Variants in SNX4 observed in about 807,000 individuals in gnomAD.
SNX4 encodes sorting nexin 4.
A neutral mutation model predicts 70.8 loss-of-function variants in SNX4; 49 were observed. That is an observed-to-expected ratio of 0.69 (90% confidence interval 0.55 to 0.88). SNX4 has a LOEUF of 0.88. Among genes scored for constraint, SNX4 ranks in the 40% least tolerant of loss-of-function variants. SNX4 has a pLI of 0.00. For synonymous variants in SNX4, 206 were observed against 183.8 expected (o/e 1.12, Z -0.98); for missense variants, 528 against 544.8 (o/e 0.97, Z 0.31).
At chr3:125,474,074 C>T (rs1160595608) in intron 8 of SNX4, among the ~76,000 whole-genome samples, 1 of 152,168 alleles carries the variant, frequency 6.6e-6, no homozygotes. Flanking sequence ...CATTCTCTAT[C>T]ACAAATCCTT....
chr3:125,458,599 G>C (rs565132804), intron 10 of SNX4, among the ~76,000 whole-genome samples: 1 of 147,134 alleles, frequency 6.8e-6, no homozygotes, highest in Admixed American at 6.7e-5. Flanking sequence ...GGTGGATCAC[G>C]AGGTCAGGAG....
intron 7 of SNX4, among the ~76,000 whole-genome samples, chr3:125,478,418 CT>C (rs72363640): frequency 2.5e-4 from 37 of 145,432 alleles, no homozygotes; most frequent in Admixed American, 1.4e-4. Flanking sequence ...TTTTTCTTTT[CT>C]TTTTTTTTTT....
chr3:125,458,609 G>T (rs1011935502), intron 10 of SNX4, among the ~76,000 whole-genome samples: 17 of 151,562 alleles, frequency 1.1e-4, no homozygotes, highest in African/African-American at 3.6e-4. Flanking sequence ...GAGGTCAGGA[G>T]ATTGAGACCA....
intron 1 of SNX4, among the ~76,000 whole-genome samples, chr3:125,514,414 C>G (rs1313238032): frequency 3.0e-5 from 4 of 135,316 alleles, no homozygotes; most frequent in Non-Finnish European, 6.2e-5. Flanking sequence ...TTTTTTGAGA[C>G]CGAGTCTCGC....
At chr3:125,490,310 G>A (rs138349512) in intron 5 of SNX4, among the ~76,000 whole-genome samples, 6,247 of 151,882 alleles carry the variant, frequency 0.041, 225 homozygotes, top group East Asian at 0.12. Context: ...CGAGGCAGGC[G>A]GAGCACGAGG....
chr3:125,452,110 A>ATT (rs111634536), intron 12 of SNX4, among the ~76,000 whole-genome samples: 17 of 141,102 alleles, frequency 1.2e-4, no homozygotes, highest in East Asian at 2.2e-4. Flanking sequence ...CACGTTTAGC[A>ATT]TTTTTTTTTT....
At chr3:125,508,094 T>A (rs966947213) in intron 1 of SNX4, among the ~76,000 whole-genome samples, 1 of 152,216 alleles carries the variant, frequency 6.6e-6, no homozygotes. Flanking sequence ...CCCATGTTCA[T>A]GATTTGGAAG....
At position 125,498,110 on chromosome 3, in the gene SNX4, G is replaced by A. The variant is rs1559822340; in HGVS notation, c.348C>T (p.Tyr116=). ...RYSEFELLRS[Y]LLVYYPHIVV... is the part of the protein sequence containing the mutation. Reference sequence around the variant, plus strand: ...CAATATGTGGATAGTAAACTAAAAGGTAGCTTCTCAACAACTCAAATTCAC... The same window carrying A: ...CAATATGTGGATAGTAAACTAAAAGATAGCTTCTCAACAACTCAAATTCAC... The change falls in exon 3 of 14, where the codon TAC becomes TAT. Residue 116 remains tyrosine, a synonymous_variant. Transcript: ENST00000251775. 2 of 1,614,112 alleles carry A rather than the reference G, an allele frequency of 1.2e-6. No homozygotes were observed. The highest frequency in any genetic ancestry group is 1.7e-6 in the Non-Finnish European group (2 of 1,179,998).
Position 125,498,180 on chromosome 3 carries a change from G to T in SNX4, c.278C>A (p.Thr93Asn), listed in dbSNP as rs1285704605. 1.2e-6 allele frequency: 2 copies of T among 1,613,488 alleles called. No individual in the cohort carries two copies. Among genetic ancestry groups the T allele is most frequent in the Non-Finnish European group, 1.7e-6 (2 of 1,179,866 alleles). ...GTCTGTTAGGACACTCTGACCATCG[G>T]TATGTTCAACTGACCTGAAAAGGAA... ...YLIETRSVEHTDGQSVLTDSL... is the reference protein window; with the variant it reads ...YLIETRSVEHNDGQSVLTDSL... Residue 93 changes from threonine to asparagine, a missense_variant, in exon 3 of 14, where the codon ACC (threonine) becomes AAC (asparagine). By Grantham distance (65) the Thr-to-Asn change is moderately conservative. Coordinates refer to ENST00000251775, the MANE Select transcript of SNX4 (RefSeq NM_003794.4).
At chr3:125,454,510 C>G (rs1328622745) in intron 11 of SNX4, among the ~76,000 whole-genome samples, 1 of 152,182 alleles carries the variant, frequency 6.6e-6, no homozygotes, top group African/African-American at 2.4e-5. Context: ...AAACAGGTCC[C>G]TAGTGCCAAA....
intron 5 of SNX4, among the ~76,000 whole-genome samples, chr3:125,495,428 T>C (rs1016353004): frequency 6.6e-6 from 1 of 151,406 alleles, no homozygotes; most frequent in Non-Finnish European, 1.5e-5. Context: ...AAATAAGGAA[T>C]ACAGAGAGAC....
At chr3:125,470,119 C>G (rs1328555771) in intron 8 of SNX4, among the ~76,000 whole-genome samples, 1 of 152,090 alleles carries the variant, frequency 6.6e-6, no homozygotes, top group African/African-American at 2.4e-5. Context: ...GTTATATATG[C>G]TTATTATAGT....
chr3:125,516,805 C>T (rs1935293006), intron 1 of SNX4, among the ~76,000 whole-genome samples: 1 of 152,312 alleles, frequency 6.6e-6, no homozygotes, highest in South Asian at 2.1e-4. Flanking sequence ...CCTGCTACTG[C>T]ACTCCAGCTG....
intron 1 of SNX4, chr3:125,517,056 C>A (rs1227080647): frequency 6.6e-6 from 1 of 152,116 alleles, no homozygotes; most frequent in Non-Finnish European, 1.5e-5. Flanking sequence ...CTGTTTCCCC[C>A]CTTCTCACTA....
intron 5 of SNX4, among the ~76,000 whole-genome samples, chr3:125,490,455 C>T (rs1290854029): frequency 2.2e-5 from 3 of 138,340 alleles, no homozygotes; most frequent in Non-Finnish European, 4.6e-5. Flanking sequence ...ACCCGGGAGG[C>T]GGAGCTTGCA....
chr3:125,465,931 T>C (rs537101368), intron 9 of SNX4, among the ~76,000 whole-genome samples: 2 of 152,040 alleles, frequency 1.3e-5, no homozygotes, highest in South Asian at 2.1e-4. Context: ...GTGTGAGCCA[T>C]TGTGCCCGGC....
chr3:125,496,845 C>T (rs946758076), intron 5 of SNX4, among the ~76,000 whole-genome samples: 2 of 151,998 alleles, frequency 1.3e-5, no homozygotes, highest in Non-Finnish European at 2.9e-5. Flanking sequence ...TCCTTTGTCC[C>T]CATTTCAAAC....
intron 6 of SNX4, among the ~76,000 whole-genome samples, chr3:125,487,323 C>T (rs1397051886): frequency 6.6e-6 from 1 of 152,022 alleles, no homozygotes; most frequent in Non-Finnish European, 1.5e-5. Flanking sequence ...AAAAAAACTG[C>T]CTTGGTGACA....
intron 9 of SNX4, among the ~76,000 whole-genome samples, chr3:125,467,084 C>CAAA (rs538874424): frequency 2.3e-4 from 17 of 74,556 alleles, no homozygotes; most frequent in African/African-American, 6.6e-4. Context: ...CTCTGTCTTC[C>CAAA]AAAAAAAAAA....
Sources: gnomAD v4.1 joint callset for allele counts (sites outside exome capture counted in the v4.1 genomes callset) on GRCh38, gnomAD v4.1.1 for gene constraint, MANE v1.5 for transcripts, NCBI Gene and HGNC (gene_info 2026-07-23, HGNC 2026-07-21) for gene names.